The following CFAP20DC variants were observed in gnomAD, a reference collection of about 807,000 sequenced individuals.
The protein encoded by CFAP20DC is CFAP20 domain containing.
A neutral mutation model predicts 101.7 loss-of-function variants in CFAP20DC; 84 were observed. The observed-to-expected ratio is 0.83, with a 90% CI of 0.69 to 0.99. The LOEUF is 0.99. Ranked by LOEUF, CFAP20DC falls within the 50% of genes least tolerant of loss-of-function variation. The pLI is 0.00. For missense variants in CFAP20DC, 1,007 were observed against 970.3 expected (o/e 1.04, Z -0.50); for synonymous variants, 359 against 351.2 (o/e 1.02, Z -0.25).
chr3:59,002,653 C>T lies in CFAP20DC; in HGVS notation c.278+36904G>A, dbSNP rs191816087. Among the ~76,000 whole-genome samples the T allele has an allele frequency of 1.2e-4, 18 of 152,246 alleles. No homozygotes were observed. Among genetic ancestry groups the T allele is most frequent in the Admixed American group, 5.9e-4 (9 of 15,294 alleles). On this transcript the variant is annotated intron_variant, in intron 4 of 16. Transcript: ENST00000482387. The surrounding 1 kb of genome is among the most constrained non-coding windows in gnomAD (Gnocchi z 4.5). ...GATCTGATATGTCTGGTGTTATCTC[C>T]AAGTGCAGCAAAAGATGCCAAATCA...
At chr3:58,955,032 C>T (rs929823403) in intron 4 of CFAP20DC, among the ~76,000 whole-genome samples, 1 of 151,568 alleles carries the variant, frequency 6.6e-6, no homozygotes, top group Admixed American at 6.6e-5. Flanking sequence ...AATTTACATG[C>T]CACAAAATTT....
intron 15 of CFAP20DC, among the ~76,000 whole-genome samples, chr3:58,804,834 T>A (rs2073945522): frequency 6.6e-6 from 1 of 152,208 alleles, no homozygotes; most frequent in Admixed American, 6.5e-5. Flanking sequence ...TAAAATACCT[T>A]CTTATATATA....
intron 15 of CFAP20DC, among the ~76,000 whole-genome samples, chr3:58,757,592 A>T (rs2069084405): frequency 6.6e-6 from 1 of 151,448 alleles, no homozygotes; most frequent in Non-Finnish European, 1.5e-5. Flanking sequence ...CATTTTTATA[A>T]AGCCTTTCCC....
chr3:58,726,135 GC>G (rs1242146348), intron 3 of CFAP20DC: 1 of 152,264 alleles, frequency 6.6e-6, no homozygotes, highest in African/African-American at 2.4e-5. Context: ...AAGACTAGGG[GC>G]TCAGGATTGG....
In CFAP20DC at chr3:59,007,966, CAACA is replaced by C. The variant is rs1211201471; in HGVS notation, c.278+31587_278+31590del. Among the ~76,000 whole-genome samples the C allele has an allele frequency of 2.0e-5, 3 of 152,146 alleles. No individual in the cohort carries two copies. Among genetic ancestry groups the C allele is most frequent in the African/African-American group, 7.2e-5 (3 of 41,436 alleles). Reference sequence around the variant, plus strand: ...ATAGGGAAAATCTGCACCTATATCCCAACAGACAGGCAGCCTCTGTGATCATGAA... The same window carrying C: ...ATAGGGAAAATCTGCACCTATATCCCGACAGGCAGCCTCTGTGATCATGAA... On this transcript the variant is annotated intron_variant, in intron 4 of 16. Transcript: ENST00000482387. The surrounding 1 kb of genome is among the most constrained non-coding windows in gnomAD (Gnocchi z 4.4).
intron 14 of CFAP20DC, among the ~76,000 whole-genome samples, chr3:58,819,341 A>G (rs973000671): frequency 3.9e-5 from 6 of 152,162 alleles, no homozygotes; most frequent in Admixed American, 2.0e-4. Flanking sequence ...CAAAAAATCA[A>G]TGAATCCAGG....
intron 6 of CFAP20DC, among the ~76,000 whole-genome samples, chr3:58,911,134 T>G (rs1038594885): frequency 2.0e-5 from 3 of 152,164 alleles, no homozygotes; most frequent in Non-Finnish European, 4.4e-5. Flanking sequence ...AAGTATGCAT[T>G]CATTCTGCTC....
rs9881113 is a variant in CFAP20DC at position 58,975,897 on chromosome 3, T to C, written c.279-38135A>G. 9.9e-3 allele frequency among the ~76,000 whole-genome samples: 1,511 copies of C among 152,284 alleles called. 28 individuals are homozygous for C. The highest frequency in any genetic ancestry group is 0.034 in the African/African-American group (1,417 of 41,552). ...ATACCATTTTTTAGATGTGATGAGA[T>C]GGTAACTGCAAAACACATTCTACAG... On this transcript the variant is annotated intron_variant, in intron 4 of 16. Coordinates refer to ENST00000482387, the MANE Select transcript of CFAP20DC (RefSeq NM_001394063.1).
At chr3:58,809,421 T>C (rs1436296878) in intron 14 of CFAP20DC, among the ~76,000 whole-genome samples, 1 of 152,030 alleles carries the variant, frequency 6.6e-6, no homozygotes, top group Admixed American at 6.6e-5. Context: ...CTCAACTACA[T>C]GGAAACTGAA....
chr3:59,048,680 C>T (rs768156752), intron 1 of CFAP20DC, among the ~76,000 whole-genome samples: 54 of 152,098 alleles, frequency 3.6e-4, no homozygotes, highest in Non-Finnish European at 1.2e-4. Flanking sequence ...CGAGAGCACT[C>T]ATAATGAGGC....
intron 4 of CFAP20DC, among the ~76,000 whole-genome samples, chr3:58,953,007 T>C (rs2090289369): frequency 6.6e-6 from 1 of 152,076 alleles, no homozygotes; most frequent in South Asian, 2.1e-4. Flanking sequence ...AGTCCACATA[T>C]AGTATGTCAA....
rs147048761 is a variant in CFAP20DC at position 58,767,128 on chromosome 3, T to C, written c.2238-13265A>G. The stretch of plus-strand genomic sequence containing the variant: ...TCAATATTTGCCAAATGTATGACTA[T>C]TGAAATAGTGTCTTTCTTAGCCAAG... On this transcript the variant is annotated intron_variant, in intron 15 of 16. Coordinates refer to ENST00000482387, the MANE Select transcript of CFAP20DC (RefSeq NM_001394063.1). Among the ~76,000 whole-genome samples, 79 of 152,322 alleles carry C rather than the reference T, an allele frequency of 5.2e-4. 1 individual carries two copies. Among genetic ancestry groups the C allele is most frequent in the African/African-American group, 1.7e-3 (72 of 41,580 alleles).
chr3:58,980,619 A>G (rs1002046690), intron 4 of CFAP20DC, among the ~76,000 whole-genome samples: 3 of 152,212 alleles, frequency 2.0e-5, no homozygotes, highest in Non-Finnish European at 4.4e-5. Context: ...TGATTATCTC[A>G]ATAGATGCAG....
rs1477098964 is a variant in CFAP20DC at position 58,913,164 on chromosome 3, G to A, written c.550+544C>T. Reference sequence around the variant, plus strand: ...CAGGGAAGAAAACATCCTACTTTCAGGGGCTGCTGTAACAGAAATTATGGA... The same window carrying A: ...CAGGGAAGAAAACATCCTACTTTCAAGGGCTGCTGTAACAGAAATTATGGA... On this transcript the variant is annotated intron_variant, in intron 6 of 16. Transcript: ENST00000482387. This position sits in a 1 kb window ranked among gnomAD's most constrained non-coding sequence, Gnocchi z 4.4. Among the ~76,000 whole-genome samples the A allele has an allele frequency of 6.6e-6, 1 of 152,130 alleles. No individual in the cohort carries two copies. Among genetic ancestry groups the A allele is most frequent in the Non-Finnish European group, 1.5e-5 (1 of 68,024 alleles).
chr3:58,854,011 AG>A (rs1197245843), intron 12 of CFAP20DC, among the ~76,000 whole-genome samples: 9 of 152,096 alleles, frequency 5.9e-5, no homozygotes, highest in Non-Finnish European at 1.5e-5. Context: ...AAGGAAATAA[AG>A]GGTATTCAAT....
chr3:59,039,497 CT>C, intron 4 of CFAP20DC, 59 bp downstream of exon 4: 1 of 1,020,948 alleles, frequency 9.8e-7, no homozygotes, highest in African/African-American at 1.6e-5. Context: ...GTTGGTACTG[CT>C]TCAATTGATC....
At chr3:58,925,565 T>C (rs1001789035) in intron 5 of CFAP20DC, among the ~76,000 whole-genome samples, 1 of 152,216 alleles carries the variant, frequency 6.6e-6, no homozygotes, top group African/African-American at 2.4e-5. Flanking sequence ...GATGATACCA[T>C]ATTTACAAGT....
At chr3:58,832,024 C>T in intron 13 of CFAP20DC, 135 bp from the exon 14 acceptor site, 1 of 687,520 alleles carries the variant, frequency 1.5e-6, no homozygotes, top group East Asian at 2.7e-5. Context: ...CCTCCATGCG[C>T]TACCTGCCCC....
intron 6 of CFAP20DC, among the ~76,000 whole-genome samples, chr3:58,909,947 A>G (rs1051394009): frequency 2.0e-5 from 3 of 151,990 alleles, no homozygotes; most frequent in African/African-American, 7.2e-5. Context: ...ATATGTTTTC[A>G]TTGCTCAGCT....
Sources: allele counts gnomAD v4.1 joint callset (sites outside exome capture counted in the v4.1 genomes callset), GRCh38; gene constraint gnomAD v4.1.1; non-coding constraint Gnocchi (gnomAD v3.1); transcripts MANE v1.5; gene names NCBI Gene and HGNC (gene_info 2026-07-23, HGNC 2026-07-21).